Variants in SGCZ observed in about 807,000 individuals in gnomAD.
SGCZ encodes zeta-sarcoglycan.
A neutral mutation model predicts 41.3 loss-of-function variants in SGCZ; 40 were observed. The observed-to-expected ratio is 0.97, with a 90% confidence interval of 0.75 to 1.26. The LOEUF (loss-of-function observed/expected upper bound fraction) is 1.26. Ranked by LOEUF, SGCZ falls within the 50% of genes most tolerant of loss-of-function variation. The probability of loss-of-function intolerance (pLI) is 0.00; values close to 1 mark genes in which losing one functional copy is unlikely to be tolerated. For missense variants in SGCZ, 552 were observed against 369.8 expected (o/e 1.49, Z -4.04); for synonymous variants, 206 against 137.5 (o/e 1.50, Z -3.49).
chr8:14,105,457 T>G (rs188436849), intron 6 of SGCZ, among the ~76,000 whole-genome samples: 177 of 151,736 alleles, frequency 1.2e-3, no homozygotes, highest in African/African-American at 4.2e-3. Context: ...TGAAACCGTG[T>G]TGATTAGAAG....
intron 1 of SGCZ, among the ~76,000 whole-genome samples, chr8:14,747,510 T>C (rs1165193418): frequency 6.6e-6 from 1 of 152,104 alleles, no homozygotes; most frequent in Admixed American, 6.5e-5. Context: ...ATTTTTTGAA[T>C]GCACGTAAAA....
At chr8:14,789,517 A>C (rs1192061378) in intron 1 of SGCZ, among the ~76,000 whole-genome samples, 1 of 152,178 alleles carries the variant, frequency 6.6e-6, no homozygotes, top group African/African-American at 2.4e-5. Flanking sequence ...TAATTTCCAA[A>C]ATATATGAGT....
At chr8:14,212,887 AACTTAT>A (rs1381729959) in intron 4 of SGCZ, among the ~76,000 whole-genome samples, 1 of 152,100 alleles carries the variant, frequency 6.6e-6, no homozygotes, top group African/African-American at 2.4e-5. Context: ...TACCAAATGA[AACTTAT>A]CAAACTAAAA....
intron 2 of SGCZ, among the ~76,000 whole-genome samples, chr8:14,392,009 G>T (rs9693161): frequency 2.0e-5 from 3 of 151,790 alleles, no homozygotes. Context: ...TCCAGCAATG[G>T]GGATTACAAT....
chr8:14,629,759 T>G (rs1806585492), intron 1 of SGCZ, among the ~76,000 whole-genome samples: 2 of 152,278 alleles, frequency 1.3e-5, no homozygotes, highest in African/African-American at 4.8e-5. Flanking sequence ...TATGGGTTTA[T>G]GAGCGTAACA....
intron 2 of SGCZ, among the ~76,000 whole-genome samples, chr8:14,484,595 T>C (rs1801623240): frequency 6.6e-6 from 1 of 152,170 alleles, no homozygotes; most frequent in African/African-American, 2.4e-5. Flanking sequence ...GATCTGGAAT[T>C]ATATTTTATG....
intron 1 of SGCZ, among the ~76,000 whole-genome samples, chr8:15,224,007 A>T (rs1260414083): frequency 6.6e-6 from 1 of 152,100 alleles, no homozygotes; most frequent in African/African-American, 2.4e-5. Flanking sequence ...GGCATGGGCA[A>T]CCACACCCAG....
intron 1 of SGCZ, among the ~76,000 whole-genome samples, chr8:14,717,996 G>GATAGATATATATATATATATAT (rs1554487146): frequency 1.4e-5 from 2 of 144,920 alleles, no homozygotes; most frequent in African/African-American, 5.3e-5. Flanking sequence ...TCTAAAATAA[G>GATAGATATATATATATATATAT]ATATATATAT....
At chr8:14,574,533 G>C (rs1289047631) in intron 1 of SGCZ, among the ~76,000 whole-genome samples, 1 of 152,176 alleles carries the variant, frequency 6.6e-6, no homozygotes, top group Non-Finnish European at 1.5e-5. Context: ...AATCTGAGCA[G>C]ACAGGACTTG....
At chr8:14,591,573 A>T (rs1563137540) in intron 1 of SGCZ, among the ~76,000 whole-genome samples, 2 of 152,090 alleles carry the variant, frequency 1.3e-5, no homozygotes, top group African/African-American at 2.4e-5. Flanking sequence ...TTATTCTTCA[A>T]ATTTATTTTA....
chr8:15,180,779 C>T (rs554303168), intron 1 of SGCZ, among the ~76,000 whole-genome samples: 18 of 56,186 alleles, frequency 3.2e-4, no homozygotes, highest in African/African-American at 7.0e-4. Context: ...CCCAGCTACT[C>T]AGGAGGCTGA....
chr8:14,947,026 A>C (rs1008828916), intron 1 of SGCZ, among the ~76,000 whole-genome samples: 1 of 152,160 alleles, frequency 6.6e-6, no homozygotes, highest in Non-Finnish European at 1.5e-5. Flanking sequence ...TTGAGAAGGA[A>C]AACCAAAAAA....
At chr8:14,300,255 G>C (rs1478706668) in intron 3 of SGCZ, among the ~76,000 whole-genome samples, 1 of 151,456 alleles carries the variant, frequency 6.6e-6, no homozygotes, top group African/African-American at 2.4e-5. Context: ...AGGAAGGAAG[G>C]AAGGAAAAAA....
At chr8:14,249,740 G>T (rs943058259) in intron 3 of SGCZ, among the ~76,000 whole-genome samples, 8 of 152,048 alleles carry the variant, frequency 5.3e-5, no homozygotes, top group African/African-American at 1.9e-4. Flanking sequence ...AATAAATGTG[G>T]GGTGGGGGGA....
At chr8:14,578,998 A>C (rs1392799151) in intron 1 of SGCZ, among the ~76,000 whole-genome samples, 1 of 152,162 alleles carries the variant, frequency 6.6e-6, no homozygotes, top group Non-Finnish European at 1.5e-5. Flanking sequence ...TTTAGGTTTA[A>C]CATGCAGAAT....
At chr8:14,446,888 G>A (rs1233244918) in intron 2 of SGCZ, among the ~76,000 whole-genome samples, 1 of 152,078 alleles carries the variant, frequency 6.6e-6, no homozygotes, top group East Asian at 1.9e-4. Context: ...GATTATAGCA[G>A]ATCAATCTTC....
chr8:14,555,357 T>C (rs1242632640), intron 1 of SGCZ, among the ~76,000 whole-genome samples: 1 of 152,038 alleles, frequency 6.6e-6, no homozygotes, highest in Non-Finnish European at 1.5e-5. Flanking sequence ...GATGAGATCA[T>C]GGCAGTGAAT....
At chr8:15,228,622 A>T (rs1470849030) in intron 1 of SGCZ, among the ~76,000 whole-genome samples, 1 of 152,224 alleles carries the variant, frequency 6.6e-6, no homozygotes, top group Non-Finnish European at 1.5e-5. Context: ...CAACAGAAAT[A>T]CAGAGATTTA....
At chr8:14,853,471 A>T (rs1301533615) in intron 1 of SGCZ, 1 of 532,970 alleles carries the variant, frequency 1.9e-6, no homozygotes, top group Non-Finnish European at 3.8e-6. Context: ...TGGCTGATTA[A>T]TATCCACCCA....
Sources: allele counts gnomAD v4.1 joint callset (sites outside exome capture counted in the v4.1 genomes callset), GRCh38; gene constraint gnomAD v4.1.1; transcripts MANE v1.5; gene names NCBI Gene and HGNC (gene_info 2026-07-23, HGNC 2026-07-21).